Variants in B3GALT1 observed in about 807,000 individuals in gnomAD.
B3GALT1 encodes the protein beta-1,3-galactosyltransferase 1, also known as UDP-Gal:betaGlcNAc beta 1,3-galactosyltransferase, polypeptide 1.
In B3GALT1, 10 loss-of-function variants were observed where a neutral mutation model predicts 23.2. The ratio of observed to expected loss-of-function variants is 0.43; its 90% CI spans 0.27 to 0.73. The LOEUF is 0.73. Ranked by LOEUF, B3GALT1 falls within the 30% of genes least tolerant of loss-of-function variation. B3GALT1 has a pLI of 0.21. For synonymous variants in B3GALT1, 156 were observed against 141.5 expected (o/e 1.10, Z -0.73); for missense variants, 299 against 405.4 (o/e 0.74, Z 2.25).
At chr2:167,697,554 T>G (rs760699589) in intron 3 of B3GALT1, among the ~76,000 whole-genome samples, 3 of 152,186 alleles carry the variant, frequency 2.0e-5, no homozygotes, top group Non-Finnish European at 2.9e-5. Context: ...TGTCAGTGAG[T>G]CCTAGTTTAT....
chr2:167,861,761 C>T (rs1268584772), intron 4 of B3GALT1, among the ~76,000 whole-genome samples: 1 of 152,146 alleles, frequency 6.6e-6, no homozygotes, highest in Non-Finnish European at 1.5e-5. Flanking sequence ...CTGCCTCTGT[C>T]TCCTAGAAAG....
intron 1 of B3GALT1, among the ~76,000 whole-genome samples, chr2:167,444,657 G>A (rs1698952218): frequency 6.6e-6 from 1 of 152,178 alleles, no homozygotes; most frequent in Admixed American, 6.6e-5. Flanking sequence ...TTTGCGTAGA[G>A]GTGTTTGTAG....
At chr2:167,824,698 G>GT (rs2105370395) in intron 4 of B3GALT1, among the ~76,000 whole-genome samples, 1 of 152,282 alleles carries the variant, frequency 6.6e-6, no homozygotes, top group South Asian at 2.1e-4. Context: ...GTGTCATTTG[G>GT]TCCCTGATCT....
chr2:167,747,980 T>C (rs59442106), intron 3 of B3GALT1, among the ~76,000 whole-genome samples: 24,817 of 152,176 alleles, frequency 0.16, 2,333 homozygotes, highest in Non-Finnish European at 0.22. Flanking sequence ...CTTTTCCTCT[T>C]CTTACATTTA....
chr2:167,698,087 A>G (rs1054006833), intron 3 of B3GALT1, among the ~76,000 whole-genome samples: 21 of 152,254 alleles, frequency 1.4e-4, no homozygotes, highest in Admixed American at 1.2e-3. Flanking sequence ...TGCCAGCGCT[A>G]TGGTTTCTGG....
intron 1 of B3GALT1, among the ~76,000 whole-genome samples, chr2:167,364,974 A>G (rs1697564695): frequency 6.6e-6 from 1 of 152,190 alleles, no homozygotes; most frequent in African/African-American, 2.4e-5. Context: ...ATTTATTGGT[A>G]GGTGGACGTT....
At chr2:167,707,432 TCCATG>T (rs1686982273) in intron 3 of B3GALT1, among the ~76,000 whole-genome samples, 1 of 152,186 alleles carries the variant, frequency 6.6e-6, no homozygotes, top group Non-Finnish European at 1.5e-5. Context: ...AACATGAGTC[TCCATG>T]AGCTAAGGTC....
intron 2 of B3GALT1, among the ~76,000 whole-genome samples, chr2:167,583,189 C>T (rs1262503830): frequency 6.6e-6 from 1 of 152,194 alleles, no homozygotes; most frequent in African/African-American, 2.4e-5. Flanking sequence ...ATTCTACCAC[C>T]CTATTGCTGT....
chr2:167,357,120 T>C (rs1415752983), intron 1 of B3GALT1, among the ~76,000 whole-genome samples: 1 of 152,012 alleles, frequency 6.6e-6, no homozygotes, highest in Non-Finnish European at 1.5e-5. Context: ...CTTGTTTACA[T>C]TGCAGACAAG....
At chr2:167,644,410 G>A (rs1029798018) in intron 2 of B3GALT1, among the ~76,000 whole-genome samples, 2 of 152,082 alleles carry the variant, frequency 1.3e-5, no homozygotes, top group Non-Finnish European at 2.9e-5. Flanking sequence ...TAATTTTCCA[G>A]TAAAAAGCCC....
At chr2:167,868,323 A>G (rs1196716074) in intron 4 of B3GALT1, among the ~76,000 whole-genome samples, 4 of 152,242 alleles carry the variant, frequency 2.6e-5, no homozygotes, top group Non-Finnish European at 2.9e-5. Context: ...ATAAACACAT[A>G]TTCAAATAGA....
At chr2:167,652,041 C>T (rs1279328652) in intron 3 of B3GALT1, among the ~76,000 whole-genome samples, 1 of 152,124 alleles carries the variant, frequency 6.6e-6, no homozygotes, top group Non-Finnish European at 1.5e-5. Flanking sequence ...GTCAACCAAA[C>T]CCACAAGAGC....
At chr2:167,319,856 C>T (rs1696781088) in intron 1 of B3GALT1, among the ~76,000 whole-genome samples, 1 of 152,078 alleles carries the variant, frequency 6.6e-6, no homozygotes, top group Non-Finnish European at 1.5e-5. Context: ...GCCATTGGAT[C>T]CTCCAGTAAG....
At position 167,746,915 on chromosome 2, in the gene B3GALT1, A is replaced by G. The variant is rs140744275; in HGVS notation, c.-351-71757A>G. Among the ~76,000 whole-genome samples, 1,356 of 152,288 alleles carry G rather than the reference A, an allele frequency of 8.9e-3. 32 individuals are homozygous for G. Among genetic ancestry groups the G allele is most frequent in the African/African-American group, 0.031 (1,275 of 41,554 alleles). ...GAGGTGTTGAAAGTGCATGCATTCT[A>G]TGTATCTAATAATATATTGTGATAA... is the stretch of plus-strand genomic sequence containing the variant. On this transcript the variant is annotated intron_variant, in intron 3 of 4. Transcript: ENST00000392690.
chr2:167,302,286 A>G (rs1317027355), intron 1 of B3GALT1, among the ~76,000 whole-genome samples: 1 of 152,182 alleles, frequency 6.6e-6, no homozygotes, highest in Non-Finnish European at 1.5e-5. Context: ...ATTTTTAAGT[A>G]TATGAAAATG....
chr2:167,539,384 C>T (rs529003397), intron 2 of B3GALT1, among the ~76,000 whole-genome samples: 3 of 152,136 alleles, frequency 2.0e-5, no homozygotes, highest in Admixed American at 2.0e-4. Context: ...GTAATTTCTC[C>T]GAGTGGTAAA....
chr2:167,840,531 T>C (rs879671800), intron 4 of B3GALT1, among the ~76,000 whole-genome samples: 4 of 147,370 alleles, frequency 2.7e-5, no homozygotes, highest in Admixed American at 2.0e-4. Flanking sequence ...AAACAACAGG[T>C]GCTGGAGAGG....
intron 2 of B3GALT1, among the ~76,000 whole-genome samples, chr2:167,512,672 A>G (rs1700043065): frequency 7.0e-6 from 1 of 143,364 alleles, no homozygotes; most frequent in African/African-American, 2.6e-5. Context: ...GGTCTCATTC[A>G]GTTGCCCAGG....
chr2:167,544,841 C>T (rs1683599501), intron 2 of B3GALT1, among the ~76,000 whole-genome samples: 1 of 152,094 alleles, frequency 6.6e-6, no homozygotes, highest in East Asian at 1.9e-4. Flanking sequence ...TTCGTGGTCT[C>T]ACGGGCTTCA....
Sources: allele counts gnomAD v4.1 joint callset (sites outside exome capture counted in the v4.1 genomes callset), GRCh38; gene constraint gnomAD v4.1.1; transcripts MANE v1.5; gene names NCBI Gene and HGNC (gene_info 2026-07-23, HGNC 2026-07-21).